The following DIP2C variants were observed in gnomAD, a reference collection of about 807,000 sequenced individuals.
DIP2C encodes DIP2 acetate--CoA ligase C (putative).
In DIP2C, 33 loss-of-function variants were observed where a neutral mutation model predicts 192.4. That is an observed-to-expected ratio of 0.17 (90% confidence interval 0.13 to 0.23). The LOEUF (loss-of-function observed/expected upper bound fraction) is 0.23, where lower values mean the gene tolerates loss of function less well. DIP2C is among the 10% of genes least tolerant of loss of function. DIP2C has a pLI of 1.00. For missense variants in DIP2C, 1,537 were observed against 2,110.1 expected (o/e 0.73, Z 5.32); for synonymous variants, 979 against 864.1 (o/e 1.13, Z -2.33).
intron 32 of DIP2C, among the ~76,000 whole-genome samples, chr10:291,974 T>C (rs1203975087): frequency 6.6e-6 from 1 of 152,216 alleles, no homozygotes; most frequent in Non-Finnish European, 1.5e-5. Context: ...GGCCCTCTCC[T>C]GCGGGAAGTG....
chr10:297,443 T>C (rs572384646), intron 32 of DIP2C, among the ~76,000 whole-genome samples: 1 of 152,122 alleles, frequency 6.6e-6, no homozygotes, highest in Non-Finnish European at 1.5e-5. Flanking sequence ...CAACAGCAGA[T>C]GAATGGATAT....
intron 1 of DIP2C, among the ~76,000 whole-genome samples, chr10:674,783 T>TAGAGAG (rs1389637055): frequency 3.3e-4 from 32 of 96,604 alleles, no homozygotes; most frequent in African/African-American, 1.8e-3. Context: ...TATATATATA[T>TAGAGAG]ATATATAGAG....
intron 4 of DIP2C, among the ~76,000 whole-genome samples, chr10:440,046 C>A (rs1967602570): frequency 6.6e-6 from 1 of 152,156 alleles, no homozygotes; most frequent in Non-Finnish European, 1.5e-5. Context: ...TAGGTTCAAT[C>A]CATGTTTCTA....
At chr10:351,553 C>T (rs1958811235) in intron 24 of DIP2C, among the ~76,000 whole-genome samples, 2 of 152,220 alleles carry the variant, frequency 1.3e-5, no homozygotes. Context: ...TGAATTCAAC[C>T]TTCTCATCCC....
chr10:586,505 G>C (rs1851037209), intron 1 of DIP2C, among the ~76,000 whole-genome samples: 1 of 152,062 alleles, frequency 6.6e-6, no homozygotes, highest in African/African-American at 2.4e-5. Context: ...CCCGCTTCAT[G>C]GTAAACCCTC....
intron 1 of DIP2C, among the ~76,000 whole-genome samples, chr10:556,152 GACGGCACCCACCCCTCCC>G (rs1231271494): frequency 1.0e-5 from 1 of 96,186 alleles, no homozygotes; most frequent in Non-Finnish European, 1.9e-5. Context: ...CGGATCCGAG[GACGGCACCCACCCCTCCC>G]ACAGCCGGAT....
At chr10:580,588 C>A (rs563471553) in intron 1 of DIP2C, among the ~76,000 whole-genome samples, 1 of 152,116 alleles carries the variant, frequency 6.6e-6, no homozygotes, top group African/African-American at 2.4e-5. Context: ...GTGTACATAC[C>A]TATACATTGT....
chr10:517,163 C>G (rs1340742298), intron 1 of DIP2C, among the ~76,000 whole-genome samples: 2 of 152,118 alleles, frequency 1.3e-5, no homozygotes, highest in Non-Finnish European at 2.9e-5. Flanking sequence ...CCATCATACA[C>G]ATCCCCATCC....
At chr10:372,280 G>A (rs1033775876) in intron 17 of DIP2C, among the ~76,000 whole-genome samples, 1 of 152,074 alleles carries the variant, frequency 6.6e-6, no homozygotes, top group African/African-American at 2.4e-5. Flanking sequence ...TCACCATGTG[G>A]GCCAGGCTGG....
At chr10:594,530 G>A (rs532479951) in intron 1 of DIP2C, among the ~76,000 whole-genome samples, 6 of 152,256 alleles carry the variant, frequency 3.9e-5, no homozygotes, top group Non-Finnish European at 7.4e-5. Context: ...ACATGGCCGA[G>A]TACAGACCAT....
intron 3 of DIP2C, among the ~76,000 whole-genome samples, chr10:459,223 C>A (rs996379892): frequency 2.6e-5 from 4 of 152,096 alleles, no homozygotes; most frequent in Admixed American, 2.0e-4. Flanking sequence ...GACAGCCAGC[C>A]TTGGAAAAAC....
intron 1 of DIP2C, among the ~76,000 whole-genome samples, chr10:627,960 T>C (rs1854297023): frequency 6.6e-6 from 1 of 152,240 alleles, no homozygotes; most frequent in Admixed American, 6.5e-5. Context: ...ACGACTTTGC[T>C]GTTTTACCGG....
At position 384,083 on chromosome 10, in the gene DIP2C, C is replaced by G; in HGVS notation, c.1820G>C (p.Arg607Thr). 6.2e-7 allele frequency: 1 copy of G among 1,612,414 alleles called. No individual in the cohort carries two copies. Among genetic ancestry groups the G allele is most frequent in the Non-Finnish European group, 8.5e-7 (1 of 1,179,620 alleles). The part of the protein sequence containing the change: ...HWALVAHRDQ[R>T]DINLSSLRML... Reference sequence around the variant, plus strand: ...TCGCAGAGAGGAGAGGTTGATGTCTCTCTGATCTCTGTGTGCTACTAATGC... The same window carrying G: ...TCGCAGAGAGGAGAGGTTGATGTCTGTCTGATCTCTGTGTGCTACTAATGC... The change falls in exon 16 of 37, where the codon AGA becomes ACA. Residue 607 changes from arginine to threonine, a missense_variant. By Grantham distance (71) the Arg-to-Thr change is moderately conservative. Coordinates refer to ENST00000280886, the MANE Select transcript of DIP2C (RefSeq NM_014974.3).
chr10:428,373 T>C (rs1966732965), intron 4 of DIP2C, among the ~76,000 whole-genome samples: 1 of 152,224 alleles, frequency 6.6e-6, no homozygotes, highest in African/African-American at 2.4e-5. Flanking sequence ...CTTTCATGTG[T>C]GTGAATGTGT....
intron 1 of DIP2C, among the ~76,000 whole-genome samples, chr10:553,596 GT>G (rs1848688724): frequency 6.6e-6 from 1 of 152,216 alleles, no homozygotes; most frequent in African/African-American, 2.4e-5. Flanking sequence ...TCTTGAGTAT[GT>G]GCATTGAATA....
chr10:524,048 T>C (rs1463353065), intron 1 of DIP2C, among the ~76,000 whole-genome samples: 1 of 152,168 alleles, frequency 6.6e-6, no homozygotes, highest in Non-Finnish European at 1.5e-5. Flanking sequence ...GGCCCGAGGC[T>C]GGTTCCACCT....
intron 1 of DIP2C, among the ~76,000 whole-genome samples, chr10:531,864 A>T (rs1361695718): frequency 6.6e-6 from 1 of 152,236 alleles, no homozygotes; most frequent in Admixed American, 6.5e-5. Flanking sequence ...CAACTCCAGC[A>T]CGCGGCAGCT....
intron 1 of DIP2C, among the ~76,000 whole-genome samples, chr10:639,135 TGGG>T (rs1854999236): frequency 6.7e-6 from 1 of 150,188 alleles, no homozygotes; most frequent in African/African-American, 2.5e-5. Context: ...AGTCCACACA[TGGG>T]GACGCGTCAG....
At chr10:548,208 A>ACCCCCACCC (rs1783734357) in intron 1 of DIP2C, among the ~76,000 whole-genome samples, 14 of 58,274 alleles carry the variant, frequency 2.4e-4, no homozygotes, top group African/African-American at 6.9e-4. Flanking sequence ...AGTCTGCCCC[A>ACCCCCACCC]CCCCCCCCCC....
Sources: gnomAD v4.1 joint callset for allele counts (sites outside exome capture counted in the v4.1 genomes callset) on GRCh38, gnomAD v4.1.1 for gene constraint, MANE v1.5 for transcripts, NCBI Gene and HGNC (gene_info 2026-07-23, HGNC 2026-07-21) for gene names.